Variants in FSTL4 observed in about 807,000 individuals in gnomAD.
FSTL4 encodes the protein follistatin-related protein 4.
A neutral mutation model predicts 78.2 loss-of-function variants in FSTL4; 28 were observed. That is an observed-to-expected ratio of 0.36 (90% confidence interval 0.27 to 0.49). FSTL4 has a LOEUF of 0.49. Among genes scored for constraint, FSTL4 ranks in the 20% least tolerant of loss-of-function variants. The probability of loss-of-function intolerance (pLI) is 0.98; values close to 1 mark genes in which losing one functional copy is unlikely to be tolerated. For synonymous variants in FSTL4, 422 were observed against 440.5 expected (o/e 0.96, Z 0.53); for missense variants, 922 against 1,084.9 (o/e 0.85, Z 2.11).
intron 6 of FSTL4, among the ~76,000 whole-genome samples, chr5:133,266,975 AAG>A (rs1752657995): frequency 6.6e-6 from 1 of 152,190 alleles, no homozygotes; most frequent in Admixed American, 6.5e-5. Context: ...AGTGCCTTCT[AAG>A]AGCACAAAGG....
intron 3 of FSTL4, among the ~76,000 whole-genome samples, chr5:133,453,377 A>C (rs1196295457): frequency 6.6e-6 from 1 of 152,126 alleles, no homozygotes; most frequent in African/African-American, 2.4e-5. Flanking sequence ...TTCAGACTAG[A>C]TGAACTTCTG....
At chr5:133,683,651 T>C in the FSTL4 span, among the ~76,000 whole-genome samples, 6 of 152,302 alleles carry the variant, frequency 3.9e-5, no homozygotes, top group South Asian at 1.2e-3. Flanking sequence ...AACTGGCCAT[T>C]TATTTCCTTT....
At chr5:133,541,418 T>C (rs1467315977) in intron 3 of FSTL4, among the ~76,000 whole-genome samples, 1 of 152,104 alleles carries the variant, frequency 6.6e-6, no homozygotes, top group Non-Finnish European at 1.5e-5. Flanking sequence ...AGCATGAGTG[T>C]TCCAGCCAGC....
intron 3 of FSTL4, among the ~76,000 whole-genome samples, chr5:133,504,540 T>C (rs190753527): frequency 8.9e-4 from 136 of 152,298 alleles, no homozygotes; most frequent in Non-Finnish European, 3.2e-4. Flanking sequence ...TTACAACCTA[T>C]TGATGCTTAC....
chr5:133,381,622 C>T (rs946508026), intron 4 of FSTL4, among the ~76,000 whole-genome samples: 3 of 152,216 alleles, frequency 2.0e-5, no homozygotes, highest in African/African-American at 4.8e-5. Context: ...TCCTAAAACA[C>T]GGCTCTTGTC....
At position 133,225,048 on chromosome 5, in the gene FSTL4, G is replaced by A; in HGVS notation, c.1312+102C>T. 4.5e-6 allele frequency: 6 copies of A among 1,336,926 alleles called. No homozygotes were observed. The highest frequency in any genetic ancestry group is 6.4e-6 in the Non-Finnish European group (6 of 940,208). 82.8% of individuals were successfully genotyped at this position (1,336,926 alleles called of 1,614,324 possible). On this transcript the variant is annotated intron_variant, in intron 10 of 15. Transcript: ENST00000265342. This position sits in a 1 kb window ranked among gnomAD's most constrained non-coding sequence, Gnocchi z 4.6. Reference sequence around the variant, plus strand: ...ATGAGGCTTACCCCTGTCTTCACGGGCTCATGGTTGGCAGCTGTGGCCCTG... The same window carrying A: ...ATGAGGCTTACCCCTGTCTTCACGGACTCATGGTTGGCAGCTGTGGCCCTG...
At chr5:133,591,065 T>C (rs898156444) in intron 2 of FSTL4, among the ~76,000 whole-genome samples, 2 of 152,104 alleles carry the variant, frequency 1.3e-5, no homozygotes, top group Non-Finnish European at 2.9e-5. Flanking sequence ...ATTCCAACCA[T>C]AGTACCCCAG....
intron 12 of FSTL4, among the ~76,000 whole-genome samples, chr5:133,220,482 C>T (rs1296344121): frequency 1.3e-5 from 2 of 152,230 alleles, no homozygotes; most frequent in Non-Finnish European, 2.9e-5. Context: ...CATCGTTTGA[C>T]TGTGAATTTC....
the FSTL4 span, among the ~76,000 whole-genome samples, chr5:133,769,060 C>T: frequency 6.6e-6 from 1 of 152,206 alleles, no homozygotes; most frequent in East Asian, 1.9e-4. Flanking sequence ...CCAGCAGCTT[C>T]TGGCTTCAAA....
chr5:133,360,866 A>G (rs1429753287), intron 4 of FSTL4, among the ~76,000 whole-genome samples: 1 of 152,112 alleles, frequency 6.6e-6, no homozygotes, highest in African/African-American at 2.4e-5. Context: ...CCCAATTATC[A>G]CCGTGAGTGA....
chr5:133,740,818 C>T, the FSTL4 span, among the ~76,000 whole-genome samples: 7 of 152,118 alleles, frequency 4.6e-5, no homozygotes, highest in East Asian at 7.7e-4. Flanking sequence ...CTGGAAGCAA[C>T]GGCATCCACC....
At chr5:133,343,348 G>C (rs1411447612) in intron 4 of FSTL4, among the ~76,000 whole-genome samples, 1 of 152,174 alleles carries the variant, frequency 6.6e-6, no homozygotes, top group African/African-American at 2.4e-5. Context: ...CACTCAGCAC[G>C]GGTGTGGAGA....
the FSTL4 span, among the ~76,000 whole-genome samples, chr5:133,694,538 G>A: frequency 2.5e-4 from 38 of 152,262 alleles, 1 homozygote; most frequent in Admixed American, 2.2e-3. Flanking sequence ...CCTAGCCTGG[G>A]AGACAGAAGC....
At chr5:133,468,247 T>A (rs1184280085) in intron 3 of FSTL4, among the ~76,000 whole-genome samples, 1 of 152,098 alleles carries the variant, frequency 6.6e-6, no homozygotes. Context: ...GCTCTGTGGG[T>A]CTTGTCTTAG....
chr5:133,262,996 C>T (rs1253378779), intron 6 of FSTL4, among the ~76,000 whole-genome samples: 1 of 152,124 alleles, frequency 6.6e-6, no homozygotes, highest in Admixed American at 6.6e-5. Flanking sequence ...CCGAGCATGG[C>T]TCTGAGAGCA....
At chr5:133,603,786 G>A (rs1004248003) in intron 2 of FSTL4, 72 bp downstream of exon 2, 2 of 1,497,328 alleles carry the variant, frequency 1.3e-6, no homozygotes, top group Non-Finnish European at 1.9e-6. Context: ...TAAAGGTGGA[G>A]GGGAAATCAG....
intron 3 of FSTL4, among the ~76,000 whole-genome samples, chr5:133,564,099 A>G (rs1307896777): frequency 6.6e-6 from 1 of 152,146 alleles, no homozygotes; most frequent in Non-Finnish European, 1.5e-5. Flanking sequence ...GTTTGCCAGC[A>G]ATTCTCTGCT....
the FSTL4 span, among the ~76,000 whole-genome samples, chr5:133,620,234 A>G: frequency 1.3e-5 from 2 of 152,080 alleles, no homozygotes; most frequent in Non-Finnish European, 1.5e-5. Flanking sequence ...TTATTTATAT[A>G]TTTTCTATGT....
intron 4 of FSTL4, among the ~76,000 whole-genome samples, chr5:133,363,319 T>A (rs1320462796): frequency 2.0e-5 from 3 of 152,146 alleles, no homozygotes; most frequent in Admixed American, 6.5e-5. Context: ...CCCTCAGCTC[T>A]AGTACTGCTT....
Sources: gnomAD v4.1 joint callset for allele counts (sites outside exome capture counted in the v4.1 genomes callset) on GRCh38, gnomAD v4.1.1 for gene constraint, Gnocchi (gnomAD v3.1) non-coding constraint, MANE v1.5 for transcripts, NCBI Gene and HGNC (gene_info 2026-07-23, HGNC 2026-07-21) for gene names.